The following C22orf31 variants were observed in gnomAD, a reference collection of about 807,000 sequenced individuals.
C22orf31 encodes the protein uncharacterized protein C22orf31.
A neutral mutation model predicts 15.0 loss-of-function variants in C22orf31; 11 were observed. That is an observed-to-expected ratio of 0.73 (90% CI 0.46 to 1.21). The LOEUF (loss-of-function observed/expected upper bound fraction) is 1.21, where lower values mean the gene tolerates loss of function less well. C22orf31 is among the 50% of genes most tolerant of loss of function. The probability of loss-of-function intolerance (pLI) is 0.00; values close to 1 mark genes in which losing one functional copy is unlikely to be tolerated. For synonymous variants in C22orf31, 132 were observed against 133.3 expected, an observed-to-expected ratio of 0.99 and a Z score of 0.07; for missense variants, 340 against 347.2, an observed-to-expected ratio of 0.98 and a Z score of 0.17.
At chr22:29,061,874 CTCT>C, upstream of C22orf31, 1 of 1,190,988 alleles carries the variant, frequency 8.4e-7, no homozygotes, top group African/African-American at 1.5e-5. Flanking sequence ...TTCTCTCTCT[CTCT>C]TTTTTTTTGT....
In C22orf31 at chr22:29,060,395, C is replaced by T; in HGVS notation, c.432+20G>A. 3 of 1,595,600 alleles carry T rather than the reference C, an allele frequency of 1.9e-6. No homozygotes were observed. The highest frequency in any genetic ancestry group is 1.1e-5 in the South Asian group (1 of 88,280). ...CTCCCCTCGCCAGTCACATTTTCCC[C>T]ACCACTGGTCCTCGTCTACCTCTCT... is the stretch of plus-strand genomic sequence containing the variant. On this transcript the variant is annotated intron_variant, in intron 2 of 2. Coordinates refer to ENST00000216071, the MANE Select transcript of C22orf31 (RefSeq NM_015370.2).
At chr22:29,065,298 G>T (rs2037421843), upstream of C22orf31, among the ~76,000 whole-genome samples, 1 of 152,136 alleles carries the variant, frequency 6.6e-6, no homozygotes, top group Non-Finnish European at 1.5e-5. Flanking sequence ...TTTATGGCCG[G>T]TGTGGTGGCT....
chr22:29,061,381 C>T (rs2037389980), intron 1 of C22orf31, among the ~76,000 whole-genome samples: 1 of 152,158 alleles, frequency 6.6e-6, no homozygotes, highest in Non-Finnish European at 1.5e-5. Flanking sequence ...ATTCTTCTGC[C>T]TCAGCCTCCG....
chr22:29,062,074 T>C (rs1168704333), upstream of C22orf31, among the ~76,000 whole-genome samples: 2 of 152,102 alleles, frequency 1.3e-5, no homozygotes, highest in Admixed American at 6.6e-5. Context: ...ATAGTTAAAT[T>C]ATGTGGGAAG....
intron 1 of C22orf31, 57 bp from the exon 2 acceptor site, chr22:29,060,900 T>C: frequency 7.0e-7 from 1 of 1,437,690 alleles, no homozygotes; most frequent in Middle Eastern, 1.9e-4. Flanking sequence ...CAGCAGAGAA[T>C]AAAAGGTCTA....
chr22:29,060,751 C>T lies in C22orf31; in HGVS notation c.96G>A (p.Val32=), dbSNP rs774995455. The change falls in exon 2 of 3, where the codon GTG becomes GTA. Residue 32 remains valine (V), a synonymous_variant. Transcript: ENST00000216071. ...AGATGTTGGTGAGAGCCGGTGAGTC[C>T]ACATAGCAGTCCTGAAGCCTGGTAT... is the stretch of plus-strand genomic sequence containing the variant. ...LLNTRLQDCY[V]DSPALTNIWM... The T allele has an allele frequency of 3.1e-6, 5 of 1,614,076 alleles. No homozygotes were observed. In the South Asian group the frequency reaches 5.5e-5, roughly 18 times the overall value.
chr22:29,064,141 T>C (rs2037413675), upstream of C22orf31, among the ~76,000 whole-genome samples: 1 of 152,190 alleles, frequency 6.6e-6, no homozygotes, highest in African/African-American at 2.4e-5. Flanking sequence ...GTGCTAGGAA[T>C]ACAGGTGTGA....
chr22:29,071,713 A>C, the C22orf31 span, among the ~76,000 whole-genome samples: 1 of 151,950 alleles, frequency 6.6e-6, no homozygotes, highest in African/African-American at 2.4e-5. Flanking sequence ...GCGGGGGAGG[A>C]GGACGGCCCA....
intron 1 of C22orf31, 71 bp from the exon 2 acceptor site, chr22:29,060,914 T>C: frequency 2.3e-6 from 3 of 1,282,186 alleles, no homozygotes; most frequent in Non-Finnish European, 2.2e-6. Flanking sequence ...AGGTCTACTT[T>C]GAAGGCAAAA....
Position 29,058,799 on chromosome 22 carries a change from T to G in C22orf31, c.816A>C (p.Pro272=). 1 of 1,614,216 alleles carries G rather than the reference T, an allele frequency of 6.2e-7. No homozygotes were observed. Among genetic ancestry groups the G allele is most frequent in the Non-Finnish European group, 8.5e-7 (1 of 1,180,020 alleles). The part of the protein sequence containing the change: ...QRDRFPGRKQ[P]GVHEEPVLKK... ...TGAGTACAGGCTCCTCGTGGACACC[T>G]GGCTGCTTCCTGCCAGGGAACCGGT... Residue 272 remains proline, a synonymous_variant, in exon 3 of 3, where the codon CCA becomes CCC. Coordinates refer to ENST00000216071, the MANE Select transcript of C22orf31 (RefSeq NM_015370.2).
chr22:29,060,440 C>CTA lies in C22orf31; in HGVS notation c.405_406dup (p.Arg136IlefsTer20). 6.2e-7 allele frequency: 1 copy of CTA among 1,613,512 alleles called. No homozygotes were observed. The highest frequency in any genetic ancestry group is 1.1e-5 in the South Asian group (1 of 91,038). On this transcript the variant is annotated frameshift_variant, in exon 2 of 3. Transcript: ENST00000216071. LOFTEE classifies it low-confidence loss of function (END_TRUNC). Reference sequence around the variant, plus strand: ...CTCTCTGATGCCTCCTGCAGGCCTCCTATGCCCTGCTGGCTGCTTGCTCTT... The same window carrying CTA: ...CTCTCTGATGCCTCCTGCAGGCCTCCTATATGCCCTGCTGGCTGCTTGCTCTT...
chr22:29,063,073 G>C (rs569243550), upstream of C22orf31, among the ~76,000 whole-genome samples: 1 of 152,170 alleles, frequency 6.6e-6, no homozygotes, highest in East Asian at 1.9e-4. Context: ...TAGGTCATCT[G>C]TTTCTCTTTT....
chr22:29,066,507 C>CCTTT (rs1443100041), upstream of C22orf31, among the ~76,000 whole-genome samples: 10 of 148,366 alleles, frequency 6.7e-5, no homozygotes, highest in Admixed American at 1.4e-4. Context: ...CACACTTCCT[C>CCTTT]CTTTCTTTCT....
rs2037385099 is a variant in C22orf31, at chr22:29,060,958, C to T, written c.4-115G>A. 1.1e-5 allele frequency: 10 copies of T among 874,128 alleles called. No homozygotes were observed. In the East Asian group the frequency reaches 2.2e-4, roughly 20 times the overall value. The allele number at this position is 874,128 out of a possible 1,614,324, so 54.1% of individuals were successfully genotyped here. A position where few individuals can be genotyped will look rare whatever the true frequency, so the allele number is the denominator to read the frequency against. On this transcript the variant is annotated intron_variant, in intron 1 of 2. Coordinates refer to ENST00000216071, the MANE Select transcript of C22orf31 (RefSeq NM_015370.2). ...TCTTTTTATAGGCCATTCCTTCCACCCAGTTCTTAGAAATTTACTATATGT... is the reference window on the plus strand; with the variant it reads ...TCTTTTTATAGGCCATTCCTTCCACTCAGTTCTTAGAAATTTACTATATGT...
chr22:29,060,463 C>G lies in C22orf31; in HGVS notation c.384G>C (p.Lys128Asn). The G allele has an allele frequency of 6.2e-7, 1 of 1,613,948 alleles. No individual in the cohort carries two copies. The highest frequency in any genetic ancestry group is 8.5e-7 in the Non-Finnish European group (1 of 1,180,014). The change falls in exon 2 of 3, where the codon AAG (lysine) becomes AAC (asparagine). Residue 128 changes from lysine (K) to asparagine (N), a missense_variant. By Grantham distance (94) the Lys-to-Asn change is moderately conservative (BLOSUM62 0). Coordinates refer to ENST00000216071, the MANE Select transcript of C22orf31 (RefSeq NM_015370.2). ...TCCTATGCCCTGCTGGCTGCTTGCT[C>G]TTGGAACTGATGAAGTTTCTTTTCC... ...QARKRNFISS[K>N]SKQPAGHRRP...
At chr22:29,065,117 T>A (rs890456713), upstream of C22orf31, among the ~76,000 whole-genome samples, 1 of 152,136 alleles carries the variant, frequency 6.6e-6, no homozygotes, top group Non-Finnish European at 1.5e-5. Context: ...CCTCCCAAAG[T>A]GCTGGGATTT....
upstream of C22orf31, among the ~76,000 whole-genome samples, chr22:29,064,878 G>C (rs1440395628): frequency 6.6e-6 from 1 of 151,074 alleles, no homozygotes; most frequent in Non-Finnish European, 1.5e-5. Flanking sequence ...TTTTGAGATG[G>C]AGTCCCAATC....
upstream of C22orf31, among the ~76,000 whole-genome samples, chr22:29,066,520 CTTTCTTTTCT>C (rs1400927215): frequency 3.7e-5 from 4 of 107,722 alleles, no homozygotes; most frequent in Non-Finnish European, 6.2e-5. Context: ...TTCTTTCTTT[CTTTCTTTTCT>C]TTTCTTTTCT....
chr22:29,065,048 T>A (rs1213083686), upstream of C22orf31, among the ~76,000 whole-genome samples: 3 of 151,572 alleles, frequency 2.0e-5, no homozygotes, highest in African/African-American at 7.3e-5. Context: ...GAGATGGGGG[T>A]TTCACCATGT....
Sources: gnomAD v4.1 joint callset for allele counts (sites outside exome capture counted in the v4.1 genomes callset) on GRCh38, gnomAD v4.1.1 for gene constraint, MANE v1.5 for transcripts, NCBI Gene and HGNC (gene_info 2026-07-23, HGNC 2026-07-21) for gene names.